PRKCE: variants seen among roughly 807,000 people sequenced by gnomAD.
PRKCE encodes the protein protein kinase C epsilon type.
Under a neutral mutation model 85.4 loss-of-function variants are expected in PRKCE, and 16 were observed. That is an observed-to-expected ratio of 0.19 (90% confidence interval 0.13 to 0.28). The LOEUF (loss-of-function observed/expected upper bound fraction) is 0.28. Ranked by LOEUF, PRKCE falls within the 10% of genes least tolerant of loss-of-function variation. The pLI is 1.00. For missense variants in PRKCE, 573 were observed against 975.2 expected (o/e 0.59, Z 5.49); for synonymous variants, 388 against 371.5 (o/e 1.04, Z -0.51).
intron 10 of PRKCE, among the ~76,000 whole-genome samples, chr2:46,062,668 C>T (rs1356512848): frequency 1.4e-5 from 1 of 73,260 alleles, no homozygotes. Flanking sequence ...AAAGCTCAGC[C>T]TTTTTTTTTT....
intron 2 of PRKCE, among the ~76,000 whole-genome samples, chr2:45,952,044 G>T (rs1700657700): frequency 1.3e-5 from 2 of 152,148 alleles, no homozygotes; most frequent in Admixed American, 6.5e-5. Context: ...TGTTGGCCAG[G>T]CTGGTCTTCA....
At chr2:45,953,422 C>G (rs1036863578) in intron 2 of PRKCE, among the ~76,000 whole-genome samples, 19 of 152,216 alleles carry the variant, frequency 1.2e-4, no homozygotes, top group Admixed American at 7.2e-4. Context: ...AGAACATCCT[C>G]CTTGCTCTCT....
At chr2:45,968,428 G>C (rs192419760) in intron 2 of PRKCE, among the ~76,000 whole-genome samples, 7 of 152,230 alleles carry the variant, frequency 4.6e-5, no homozygotes, top group Non-Finnish European at 7.4e-5. Flanking sequence ...CTAAGCTAAG[G>C]GTATGCAAAG....
At chr2:45,769,990 A>G (rs540279905) in intron 1 of PRKCE, among the ~76,000 whole-genome samples, 1 of 152,366 alleles carries the variant, frequency 6.6e-6, no homozygotes, top group African/African-American at 2.4e-5. Context: ...ACTCACAGAC[A>G]CATGCCTGGA....
chr2:46,055,244 G>A (rs912940301), intron 10 of PRKCE, among the ~76,000 whole-genome samples: 1 of 152,170 alleles, frequency 6.6e-6, no homozygotes, highest in Non-Finnish European at 1.5e-5. Flanking sequence ...GCTGCCACGG[G>A]GCCCTCACAG....
At chr2:45,830,530 C>T (rs1690337936) in intron 1 of PRKCE, among the ~76,000 whole-genome samples, 1 of 152,064 alleles carries the variant, frequency 6.6e-6, no homozygotes, top group South Asian at 2.1e-4. Context: ...CCTACTGGTC[C>T]AACATCTGAA....
intron 10 of PRKCE, among the ~76,000 whole-genome samples, chr2:46,053,556 T>C (rs1436985687): frequency 6.6e-6 from 1 of 152,258 alleles, no homozygotes; most frequent in Non-Finnish European, 1.5e-5. Context: ...TTGATCTCTA[T>C]GAATTTGACC....
chr2:45,891,631 T>C (rs576553932), intron 2 of PRKCE, among the ~76,000 whole-genome samples: 1 of 152,186 alleles, frequency 6.6e-6, no homozygotes, highest in African/African-American at 2.4e-5. Flanking sequence ...GTAGAAGACC[T>C]GGGGCTCTGC....
At chr2:46,097,519 C>CAAAAAAAAAAAAAAAAAAAAAAAAAAAAA (rs66634467) in intron 11 of PRKCE, among the ~76,000 whole-genome samples, 40 of 94,098 alleles carry the variant, frequency 4.3e-4, no homozygotes, top group South Asian at 8.1e-4. Flanking sequence ...GACTCCGTCT[C>CAAAAAAAAAAAAAAAAAAAAAAAAAAAAA]AAAAAAAAAA....
At chr2:45,711,372 A>G (rs959806564) in intron 1 of PRKCE, among the ~76,000 whole-genome samples, 9 of 152,222 alleles carry the variant, frequency 5.9e-5, no homozygotes, top group Admixed American at 6.5e-5. Flanking sequence ...CCTGGCTGCA[A>G]ATCACAGCTC....
chr2:45,837,912 T>C (rs1691024561), intron 1 of PRKCE, among the ~76,000 whole-genome samples: 1 of 152,100 alleles, frequency 6.6e-6, no homozygotes, highest in Non-Finnish European at 1.5e-5. Context: ...ACCTTACAGA[T>C]TAATTGTGAG....
In PRKCE at chr2:45,794,505, C is replaced by T. The variant is rs577581463; in HGVS notation, c.349-48495C>T. On this transcript the variant is annotated intron_variant, in intron 1 of 14. Transcript: ENST00000306156. ...GGGTGCCAATTCGTTCTCATTCCTG[C>T]GGTATTCTAGCACGGACCCTGATGC... Among the ~76,000 whole-genome samples, 38 of 152,182 alleles carry T rather than the reference C, an allele frequency of 2.5e-4. No individual in the cohort carries two copies. In the South Asian group the frequency reaches 6.2e-3, roughly 25 times the overall value.
At position 45,999,243 on chromosome 2, in the gene PRKCE, C is replaced by T. The variant is rs369161332; in HGVS notation, c.824-2161C>T. 4.7e-4 allele frequency among the ~76,000 whole-genome samples: 72 copies of T among 152,280 alleles called. 2 individuals are homozygous for T. In the South Asian group the frequency reaches 0.013, roughly 27 times the overall value. On this transcript the variant is annotated intron_variant, in intron 6 of 14. Transcript: ENST00000306156. ...CATTTGTCTTCTCTCTGAAGAACTA[C>T]TTTTAACATTTCTTACAAGGCAGAT...
At chr2:45,694,858 T>C (rs1678014603) in intron 1 of PRKCE, among the ~76,000 whole-genome samples, 1 of 152,130 alleles carries the variant, frequency 6.6e-6, no homozygotes, top group Non-Finnish European at 1.5e-5. Context: ...GGGTTTTAAA[T>C]ATCAGGCTGA....
intron 10 of PRKCE, among the ~76,000 whole-genome samples, chr2:46,067,595 T>A (rs570539005): frequency 6.6e-6 from 1 of 152,344 alleles, no homozygotes; most frequent in Non-Finnish European, 1.5e-5. Context: ...TGGACACATC[T>A]TAGAGTTCTG....
intron 1 of PRKCE, among the ~76,000 whole-genome samples, chr2:45,735,424 G>A (rs1363087470): frequency 6.6e-6 from 1 of 152,204 alleles, no homozygotes; most frequent in East Asian, 1.9e-4. Flanking sequence ...ATAGACTTTG[G>A]GTTTGAATTT....
chr2:45,911,342 C>T (rs562448131), intron 2 of PRKCE, among the ~76,000 whole-genome samples: 2 of 152,214 alleles, frequency 1.3e-5, no homozygotes, highest in Non-Finnish European at 2.9e-5. Flanking sequence ...CAGGGCTAGA[C>T]AGCATGTGCA....
At chr2:45,848,310 AT>A (rs11378500) in intron 2 of PRKCE, among the ~76,000 whole-genome samples, 18 of 150,458 alleles carry the variant, frequency 1.2e-4, no homozygotes, top group East Asian at 3.9e-4. Flanking sequence ...TTAGCAATTC[AT>A]TTTTTTTTTC....
intron 11 of PRKCE, among the ~76,000 whole-genome samples, chr2:46,126,006 G>T (rs1223755893): frequency 1.3e-5 from 2 of 152,204 alleles, no homozygotes; most frequent in Non-Finnish European, 2.9e-5. Context: ...CCAAGCCAGA[G>T]CCCTAATACT....
Sources: gnomAD v4.1 joint callset for allele counts (sites outside exome capture counted in the v4.1 genomes callset) on GRCh38, gnomAD v4.1.1 for gene constraint, MANE v1.5 for transcripts, NCBI Gene and HGNC (gene_info 2026-07-23, HGNC 2026-07-21) for gene names.